MAPK8IP3: variants seen among roughly 807,000 people sequenced by gnomAD.
MAPK8IP3 encodes the protein C-Jun-amino-terminal kinase-interacting protein 3.
In MAPK8IP3, 49 loss-of-function variants were observed where a neutral mutation model predicts 157.8. That is an observed-to-expected ratio of 0.31 (90% CI 0.25 to 0.39). MAPK8IP3 has a LOEUF of 0.39. Among genes scored for constraint, MAPK8IP3 ranks in the 10% least tolerant of loss-of-function variants. The pLI, the probability that MAPK8IP3 is intolerant of heterozygous loss-of-function variation, is 1.00. For synonymous variants in MAPK8IP3, 897 were observed against 777.7 expected (o/e 1.15, Z -2.55); for missense variants, 1,478 against 1,889.4 (o/e 0.78, Z 4.04).
In MAPK8IP3 at chr16:1,760,010, A is replaced by G. The variant is rs2041842810; in HGVS notation, c.1299A>G (p.Glu433=). The G allele has an allele frequency of 1.2e-6, 2 of 1,614,204 alleles. No individual in the cohort carries two copies. The change falls in exon 11 of 32, where the codon GAA becomes GAG. Residue 433 remains glutamate, a synonymous_variant. Coordinates refer to ENST00000610761, the MANE Select transcript of MAPK8IP3 (RefSeq NM_001318852.2). ...NLLLENSQLL[E]TKNALNVVKN... is the part of the protein sequence containing the mutation. Reference sequence around the variant, plus strand: ...TACTGGAAAACTCACAGCTTCTGGAAACCAAGTAAGAGTGCCCTTCTCCTG... The same window carrying G: ...TACTGGAAAACTCACAGCTTCTGGAGACCAAGTAAGAGTGCCCTTCTCCTG...
In MAPK8IP3 at chr16:1,724,517, C is replaced by G. The variant is rs752845345; in HGVS notation, c.319-40C>G. 1.1e-5 allele frequency: 17 copies of G among 1,601,658 alleles called. 1 individual carries two copies. In the African/African-American group the frequency reaches 2.3e-4, roughly 21 times the overall value. ...AAGTGAAAGGCGGCTGCTCCACACT[C>G]ACTCCTGATGACTGCTCTTTCCCTC... On this transcript the variant is annotated intron_variant, in intron 1 of 31. Transcript: ENST00000610761. The surrounding 1 kb of genome is among the most constrained non-coding windows in gnomAD (Gnocchi z 4.1).
rs2041872935 is a variant in MAPK8IP3, at chr16:1,760,541, A to G, written c.1457+9A>G. The G allele has an allele frequency of 1.2e-6, 2 of 1,606,266 alleles. No individual in the cohort carries two copies. The highest frequency in any genetic ancestry group is 1.3e-5 in the African/African-American group (1 of 74,802). On this transcript the variant is annotated intron_variant, in intron 12 of 31. Transcript: ENST00000610761. ...GAAGAGGAACTGAAAAGGTGAGGGC[A>G]GGGCATGGAAAGCTGGTCAGAGAGG... is the stretch of plus-strand genomic sequence containing the variant.
chr16:1,748,462 C>T (rs1567184234), intron 7 of MAPK8IP3, 116 bp downstream of exon 7: 9 of 1,144,746 alleles, frequency 7.9e-6, no homozygotes, highest in African/African-American at 4.6e-5. Context: ...TGTGGCCTAC[C>T]GCCTCCATCC....
Position 1,741,621 on chromosome 16 carries a change from G to C in MAPK8IP3, c.603-1711G>C, listed in dbSNP as rs1341131700. Among the ~76,000 whole-genome samples the C allele has an allele frequency of 8.5e-5, 13 of 152,138 alleles. No individual in the cohort carries two copies. The highest frequency in any genetic ancestry group is 1.5e-5 in the Non-Finnish European group (1 of 67,998). Reference sequence around the variant, plus strand: ...CCCGCACCAGCGTTGGGAGCGCAGTGGAAGTGGGGCCAGGAGGCCCCTGGT... The same window carrying C: ...CCCGCACCAGCGTTGGGAGCGCAGTCGAAGTGGGGCCAGGAGGCCCCTGGT... On this transcript the variant is annotated intron_variant, in intron 4 of 31. Transcript: ENST00000610761. The surrounding 1 kb of genome is among the most constrained non-coding windows in gnomAD (Gnocchi z 6.9).
intron 4 of MAPK8IP3, among the ~76,000 whole-genome samples, chr16:1,737,864 ATCT>A (rs2040141522): frequency 3.3e-5 from 2 of 61,080 alleles, no homozygotes; most frequent in Non-Finnish European, 5.9e-5. Context: ...CCATGTGAGC[ATCT>A]GTGTGACCGT....
chr16:1,758,434 G>C (rs796857559), intron 9 of MAPK8IP3, among the ~76,000 whole-genome samples: 2 of 152,130 alleles, frequency 1.3e-5, no homozygotes, highest in African/African-American at 4.8e-5. Flanking sequence ...AGCCACGCAC[G>C]GCAGTGACTG....
At chr16:1,746,886 C>T (rs908971769) in intron 5 of MAPK8IP3, 143 bp from the exon 6 acceptor site, 24 of 1,025,602 alleles carry the variant, frequency 2.3e-5, no homozygotes, top group Admixed American at 5.5e-5. Flanking sequence ...GCCCGGTGGG[C>T]GGCAGAGGAG....
intron 4 of MAPK8IP3, among the ~76,000 whole-genome samples, chr16:1,736,154 CCGTCCGTGTGAG>C (rs1263303306): frequency 8.8e-5 from 10 of 113,484 alleles, no homozygotes; most frequent in South Asian, 7.6e-4. Flanking sequence ...ATCTGTGTGA[CCGTCCGTGTGAG>C]CGTCCGTGTG....
intron 1 of MAPK8IP3, among the ~76,000 whole-genome samples, chr16:1,711,680 G>A (rs565558012): frequency 1.2e-4 from 18 of 152,152 alleles, no homozygotes; most frequent in Non-Finnish European, 2.2e-4. Flanking sequence ...AGTGGCTCAC[G>A]CCCGTAATCC....
intron 4 of MAPK8IP3, among the ~76,000 whole-genome samples, chr16:1,731,036 A>T (rs1298774280): frequency 6.6e-6 from 1 of 152,174 alleles, no homozygotes; most frequent in Non-Finnish European, 1.5e-5. Flanking sequence ...GCTACTAGAG[A>T]GGCTGAGGCA....
At position 1,706,269 on chromosome 16, in the gene MAPK8IP3, C is replaced by A. The variant is rs2037378920; in HGVS notation, c.-71C>A. ...AGGCGACGGGCTGCGGCCTGCGGAA[C>A]CTGAGGCAGCTGGGGAGGGCCGGGC... On this transcript the variant is annotated 5_prime_UTR_variant, in exon 1 of 32. Coordinates refer to ENST00000610761, the MANE Select transcript of MAPK8IP3 (RefSeq NM_001318852.2). This position sits in a 1 kb window ranked among gnomAD's most constrained non-coding sequence, Gnocchi z 5.1. 1.4e-6 allele frequency: 2 copies of A among 1,397,406 alleles called. No homozygotes were observed. The highest frequency in any genetic ancestry group is 1.9e-6 in the Non-Finnish European group (2 of 1,065,472). The allele number at this position is 1,397,406 out of a possible 1,614,324, so 86.6% of individuals were successfully genotyped here.
rs1596753123 is a variant in MAPK8IP3, at chr16:1,758,049, C to T, written c.1217-99C>T. ...CAACATGGGAGCAGCCGAATCATTG[C>T]TGGGTTTTCTGTAATAAGAATGTAT... On this transcript the variant is annotated intron_variant, in intron 8 of 31. Coordinates refer to ENST00000610761, the MANE Select transcript of MAPK8IP3 (RefSeq NM_001318852.2). 4.0e-6 allele frequency: 5 copies of T among 1,249,474 alleles called. No homozygotes were observed. In the East Asian group the frequency reaches 1.2e-4, roughly 29 times the overall value. The allele number at this position is 1,249,474 out of a possible 1,614,324, so 77.4% of individuals were successfully genotyped here. A position where few individuals can be genotyped will look rare whatever the true frequency, so the allele number is the denominator to read the frequency against.
Position 1,769,378 on chromosome 16 carries a change from G to C in MAPK8IP3, c.*554G>C, listed in dbSNP as rs149188450. 164 of 158,910 alleles carry C rather than the reference G, an allele frequency of 1.0e-3. No homozygotes were observed. Among genetic ancestry groups the C allele is most frequent in the African/African-American group, 3.5e-3 (145 of 41,612 alleles). 9.8% of individuals were successfully genotyped at this position (158,910 alleles called of 1,614,324 possible). On this transcript the variant is annotated 3_prime_UTR_variant, in exon 32 of 32. Coordinates refer to ENST00000610761, the MANE Select transcript of MAPK8IP3 (RefSeq NM_001318852.2). ...AGCCGGCCTTCTCTGGGGCCTCCCC[G>C]TCGTCAAGCCTCTATCCTGTCTGTC...
chr16:1,718,776 GA>G (rs2038325530), intron 1 of MAPK8IP3, among the ~76,000 whole-genome samples: 1 of 147,098 alleles, frequency 6.8e-6, no homozygotes, highest in Non-Finnish European at 1.5e-5. Context: ...CTGGGCAACA[GA>G]ACCATCTCAA....
rs572852918 is a variant in MAPK8IP3, at chr16:1,750,768, C to T, written c.1216+2048C>T. ...TGAAGCAATTCTCCTGCCTCAGCCT[C>T]GTGAGTAGCTGTGATTACAGGCATG... is the stretch of plus-strand genomic sequence containing the variant. On this transcript the variant is annotated intron_variant, in intron 8 of 31. Transcript: ENST00000610761. Among the ~76,000 whole-genome samples, 10 of 151,944 alleles carry T rather than the reference C, an allele frequency of 6.6e-5. No homozygotes were observed. In the East Asian group the frequency reaches 1.4e-3, roughly 21 times the overall value.
At chr16:1,713,063 C>T (rs1054342397) in intron 1 of MAPK8IP3, among the ~76,000 whole-genome samples, 4 of 152,238 alleles carry the variant, frequency 2.6e-5, no homozygotes, top group Non-Finnish European at 5.9e-5. Flanking sequence ...TGTCTCTGCA[C>T]ACATCTCACC....
chr16:1,765,938 G>C (rs2042232018), intron 20 of MAPK8IP3, 22 bp from the exon 21 acceptor site: 2 of 1,596,902 alleles, frequency 1.3e-6, no homozygotes, highest in South Asian at 2.2e-5. Context: ...CGCACAGGCT[G>C]ACGGGCCGTC....
At chr16:1,715,448 T>C (rs1567137624) in intron 1 of MAPK8IP3, among the ~76,000 whole-genome samples, 1 of 152,152 alleles carries the variant, frequency 6.6e-6, no homozygotes, top group Non-Finnish European at 1.5e-5. Flanking sequence ...ACCACAGCCA[T>C]GCGAGGTCCC....
At chr16:1,732,768 G>A (rs551708444) in intron 4 of MAPK8IP3, among the ~76,000 whole-genome samples, 290 of 151,178 alleles carry the variant, frequency 1.9e-3, no homozygotes, top group African/African-American at 6.5e-3. Context: ...CTTGCCCCGA[G>A]AACGGGTGGT....
Sources: gnomAD v4.1 joint callset for allele counts (sites outside exome capture counted in the v4.1 genomes callset) on GRCh38, gnomAD v4.1.1 for gene constraint, Gnocchi (gnomAD v3.1) non-coding constraint, MANE v1.5 for transcripts, NCBI Gene and HGNC (gene_info 2026-07-23, HGNC 2026-07-21) for gene names.